Variants in CPT1B observed in about 807,000 individuals in gnomAD.
The protein encoded by CPT1B is carnitine O-palmitoyltransferase 1, muscle isoform.
In CPT1B, 57 loss-of-function variants were observed where a neutral mutation model predicts 92.7. The observed-to-expected ratio is 0.62, with a 90% CI of 0.50 to 0.77. The LOEUF (loss-of-function observed/expected upper bound fraction) is 0.77, where lower values mean the gene tolerates loss of function less well. CPT1B is among the 30% of genes least tolerant of loss of function. CPT1B has a pLI of 0.00. For missense variants in CPT1B, 983 were observed against 1,017.4 expected (o/e 0.97, Z 0.46); for synonymous variants, 398 against 383.5 (o/e 1.04, Z -0.44).
chr22:50,574,620 G>A lies in CPT1B; in HGVS notation c.778-20C>T, dbSNP rs765753981. The A allele has an allele frequency of 1.4e-5, 22 of 1,604,744 alleles. No individual in the cohort carries two copies. In the Admixed American group the frequency reaches 2.2e-4, roughly 16 times the overall value. On this transcript the variant is annotated intron_variant, in intron 7 of 19. Coordinates refer to ENST00000312108, the MANE Select transcript of CPT1B (RefSeq NM_152246.3). ...AAGGTCCTACAGAGGAACAGAGCCCGCGGGGTGGGGGCCTCTGTCTGGGTG... is the reference window on the plus strand; with the variant it reads ...AAGGTCCTACAGAGGAACAGAGCCCACGGGGTGGGGGCCTCTGTCTGGGTG...
chr22:50,574,311 G>T (rs1182479729), intron 9 of CPT1B, 24 bp downstream of exon 9: 5 of 1,592,130 alleles, frequency 3.1e-6, no homozygotes, highest in Non-Finnish European at 3.4e-6. Context: ...TGGCCCACAG[G>T]TAGCAGCGAG....
At chr22:50,569,775 C>T in intron 17 of CPT1B, 107 bp from the exon 18 acceptor site, 1 of 981,328 alleles carries the variant, frequency 1.0e-6, no homozygotes. Context: ...GGAACGGGCC[C>T]CAGCCCTAGA....
Position 50,576,417 on chromosome 22 carries a change from C to T in CPT1B, c.562-82G>A. 7 of 1,605,926 alleles carry T rather than the reference C, an allele frequency of 4.4e-6. No individual in the cohort carries two copies. In the South Asian group the frequency reaches 7.7e-5, roughly 18 times the overall value. On this transcript the variant is annotated intron_variant, in intron 5 of 19. Transcript: ENST00000312108. ...AATCCTCTTCCCACCTCTCCCTCCTCACCCAGCCCCATTATTCTCAAGCCC... is the reference window on the plus strand; with the variant it reads ...AATCCTCTTCCCACCTCTCCCTCCTTACCCAGCCCCATTATTCTCAAGCCC...
Position 50,576,022 on chromosome 22 carries a change from C to A in CPT1B, c.777+13G>T, listed in dbSNP as rs1359673755. The stretch of plus-strand genomic sequence containing the variant: ...CTGAGCACGTGCGGGGACCTGGGGG[C>A]TCTAGTTCATACCATGACATAATAG... On this transcript the variant is annotated intron_variant, in intron 7 of 19. Coordinates refer to ENST00000312108, the MANE Select transcript of CPT1B (RefSeq NM_152246.3). The A allele has an allele frequency of 1.2e-6, 2 of 1,613,608 alleles. No individual in the cohort carries two copies. Among genetic ancestry groups the A allele is most frequent in the Admixed American group, 1.7e-5 (1 of 60,022 alleles).
Position 50,573,055 on chromosome 22 carries a change from T to C in CPT1B, c.1172A>G (p.Glu391Gly), listed in dbSNP as rs539995250. 3 of 1,597,860 alleles carry C rather than the reference T, an allele frequency of 1.9e-6. No individual in the cohort carries two copies. The highest frequency in any genetic ancestry group is 4.5e-5 in the East Asian group (2 of 44,340). ...LAALTAGGRV[E>G]WAQARQAFFS... ...GAAGGCCTGGCGTGCCTGCGCCCAC[T>C]CCACCCTGAAGCATGGGGCAGGGTA... The change falls in exon 11 of 20, where the codon GAG becomes GGG. Residue 391 changes from glutamate to glycine, a missense_variant. Physicochemically the swap from Glu to Gly is moderately conservative, Grantham distance 98 (BLOSUM62 -2). Transcript: ENST00000312108. This position sits in a 1 kb window ranked among gnomAD's most constrained non-coding sequence, Gnocchi z 5.0.
chr22:50,571,116 C>T, intron 15 of CPT1B, 42 bp downstream of exon 15: 1 of 1,612,004 alleles, frequency 6.2e-7, no homozygotes, highest in Non-Finnish European at 8.5e-7. Flanking sequence ...GGGGGCACCT[C>T]ACCCGACGAC....
intron 1 of CPT1B, 61 bp downstream of exon 1, chr22:50,578,325 C>T (rs556920889): frequency 6.5e-6 from 1 of 152,676 alleles, no homozygotes; most frequent in Admixed American, 6.5e-5. Context: ...GCCGTCCTCG[C>T]CCCTGTGCAG....
intron 4 of CPT1B, 56 bp downstream of exon 4, chr22:50,576,801 G>A: frequency 1.9e-6 from 3 of 1,604,560 alleles, no homozygotes. Flanking sequence ...GAACCCCAAA[G>A]GAGTCCAAAG....
Position 50,576,246 on chromosome 22 carries a change from G to A in CPT1B, c.651C>T (p.Pro217=), listed in dbSNP as rs150621657. 6.2e-7 allele frequency: 1 copy of A among 1,614,086 alleles called. No individual in the cohort carries two copies. Among genetic ancestry groups the A allele is most frequent in the Non-Finnish European group, 8.5e-7 (1 of 1,180,004 alleles). Residue 217 remains proline, a synonymous_variant, in exon 6 of 20, where the codon CCC becomes CCT. Coordinates refer to ENST00000312108, the MANE Select transcript of CPT1B (RefSeq NM_152246.3). ...LAKEFQDKTA[P]RLQKYLVLKS... ...TGAGCACCAGGTATTTCTGCAGCCT[G>A]GGGGCAGTCTTGTCCTGGAATTCTT...
intron 2 of CPT1B, 96 bp from the exon 3 acceptor site, chr22:50,577,559 G>A: frequency 2.6e-6 from 4 of 1,521,814 alleles, no homozygotes; most frequent in South Asian, 1.2e-5. Flanking sequence ...TGGCCTGGAA[G>A]GCTTTCTCTC....
intron 2 of CPT1B, 147 bp from the exon 3 acceptor site, chr22:50,577,610 C>T (rs765242715): frequency 2.5e-5 from 35 of 1,405,384 alleles, no homozygotes; most frequent in Non-Finnish European, 3.4e-5. Context: ...ACACCCACAG[C>T]TCCCTGTGTC....
chr22:50,570,313 C>T lies in CPT1B; in HGVS notation c.2122G>A (p.Ala708Thr), dbSNP rs757184617. 14 of 1,590,198 alleles carry T rather than the reference C, an allele frequency of 8.8e-6. No homozygotes were observed. The highest frequency in any genetic ancestry group is 3.5e-5 in the Admixed American group (2 of 57,772). The change falls in exon 17 of 20, where the codon GCT (alanine) becomes ACT (threonine). Residue 708 changes from alanine to threonine, a missense_variant. Coordinates refer to ENST00000312108, the MANE Select transcript of CPT1B (RefSeq NM_152246.3). ...DPEQHPNHLG[A>T]GGGFGPVADD... ...CTCACAGGGCCAAAGCCACCTCCAG[C>T]GCCCAGGTGATTGGGGTGCTGCTCT...
rs747008271 is a variant in CPT1B, at chr22:50,576,898, C to G, written c.418G>C (p.Glu140Gln). 1 of 1,614,074 alleles carries G rather than the reference C, an allele frequency of 6.2e-7. No individual in the cohort carries two copies. The highest frequency in any genetic ancestry group is 1.1e-5 in the South Asian group (1 of 91,088). The change falls in exon 4 of 20, where the codon GAG (glutamate) becomes CAG (glutamine). Residue 140 changes from glutamate (E) to glutamine (Q), a missense_variant. By Grantham distance (29) the Glu-to-Gln change is conservative (BLOSUM62 2). Transcript: ENST00000312108. ...LLLCYHGWMF[E>Q]MHGKTSNLTR... ...AAGTTGCTGGTCTTGCCATGCATCT[C>G]AAACATCCACCCATGGTAGCAGAGA...
chr22:50,571,984 G>C (rs2070198120), intron 13 of CPT1B, 22 bp downstream of exon 13: 1 of 1,605,126 alleles, frequency 6.2e-7, no homozygotes, highest in Non-Finnish European at 8.5e-7. Flanking sequence ...TCTCACACCT[G>C]CTCTGGGAGC....
At chr22:50,569,770 G>A (rs901304205) in intron 17 of CPT1B, 102 bp from the exon 18 acceptor site, 9 of 1,037,218 alleles carry the variant, frequency 8.7e-6, no homozygotes, top group East Asian at 4.8e-5. Context: ...TTGCAGGAAC[G>A]GGCCCCAGCC....
Position 50,573,141 on chromosome 22 carries a change from T to TG in CPT1B, c.1167-82dup. ...CTGAGGGCCTGGCTGGACCTGGAGATGGGGGTGGGGTGCCAGGCTGGACCT... is the reference window on the plus strand; with the variant it reads ...CTGAGGGCCTGGCTGGACCTGGAGATGGGGGGTGGGGTGCCAGGCTGGACCT... On this transcript the variant is annotated intron_variant, in intron 10 of 19. Coordinates refer to ENST00000312108, the MANE Select transcript of CPT1B (RefSeq NM_152246.3). The surrounding 1 kb of genome is among the most constrained non-coding windows in gnomAD (Gnocchi z 5.0). The TG allele has an allele frequency of 8.0e-7, 1 of 1,245,154 alleles. No homozygotes were observed. Among genetic ancestry groups the TG allele is most frequent in the Non-Finnish European group, 1.1e-6 (1 of 895,918 alleles). 77.1% of individuals were successfully genotyped at this position (1,245,154 alleles called of 1,614,324 possible). A position where few individuals can be genotyped will look rare whatever the true frequency, so the allele number is the denominator to read the frequency against.
intron 12 of CPT1B, 22 bp downstream of exon 12, chr22:50,572,181 G>C (rs754462367): frequency 9.3e-6 from 15 of 1,608,254 alleles, no homozygotes; most frequent in Non-Finnish European, 1.2e-5. Flanking sequence ...TGCCCTGCAG[G>C]TTCCCTCTGC....
rs2070103424 is a variant in CPT1B, at chr22:50,570,327, G to C, written c.2108C>G (p.Pro703Arg). 2.5e-6 allele frequency: 4 copies of C among 1,601,400 alleles called. No individual in the cohort carries two copies. Among genetic ancestry groups the C allele is most frequent in the Non-Finnish European group, 2.6e-6 (3 of 1,171,876 alleles). ...GCCACCTCCAGCGCCCAGGTGATTG[G>C]GGTGCTGCTCTGGGTCGAACATGCG... ...QIRMFDPEQH[P>R]NHLGAGGGFG... The change falls in exon 17 of 20, where the codon CCC becomes CGC. Residue 703 changes from proline to arginine, a missense_variant. Coordinates refer to ENST00000312108, the MANE Select transcript of CPT1B (RefSeq NM_152246.3).
In CPT1B at chr22:50,574,362, T is replaced by C. The variant is rs1202424570; in HGVS notation, c.943A>G (p.Thr315Ala). The C allele has an allele frequency of 6.2e-7, 1 of 1,613,820 alleles. No homozygotes were observed. Among genetic ancestry groups the C allele is most frequent in the South Asian group, 1.1e-5 (1 of 91,032 alleles). ...GTGTCCTTGCCCGGGATCCGAGTGG[T>C]GTTGAACATCCTCTCCATCTGGTAG... is the stretch of plus-strand genomic sequence containing the variant. ...CSYQMERMFN[T>A]TRIPGKDTDV... The change falls in exon 9 of 20, where the codon ACC (threonine) becomes GCC (alanine). Residue 315 changes from threonine (T) to alanine (A), a missense_variant. By Grantham distance (58) the Thr-to-Ala change is moderately conservative (BLOSUM62 0). Transcript: ENST00000312108.
Sources: gnomAD v4.1 joint callset for allele counts on GRCh38, gnomAD v4.1.1 for gene constraint, Gnocchi (gnomAD v3.1) non-coding constraint, MANE v1.5 for transcripts, NCBI Gene and HGNC (gene_info 2026-07-23, HGNC 2026-07-21) for gene names.